NDUFA10: variants seen among roughly 807,000 people sequenced by gnomAD.
NDUFA10 encodes NADH dehydrogenase [ubiquinone] 1 alpha subcomplex subunit 10, mitochondrial.
In NDUFA10, 40 loss-of-function variants were observed where a neutral mutation model predicts 47.8. The observed-to-expected ratio is 0.84, with a 90% CI of 0.65 to 1.09. NDUFA10 has a LOEUF of 1.09. NDUFA10 is among the 50% of genes least tolerant of loss of function. The pLI, the probability that NDUFA10 is intolerant of heterozygous loss-of-function variation, is 0.00. For synonymous variants in NDUFA10, 183 were observed against 172.2 expected, an observed-to-expected ratio of 1.06 and a Z score of -0.49; for missense variants, 413 against 451.1, an observed-to-expected ratio of 0.92 and a Z score of 0.76.
Position 239,987,502 on chromosome 2 carries a change from T to C in NDUFA10, c.999+2572A>G, listed in dbSNP as rs929519905. On this transcript the variant is annotated intron_variant, in intron 9 of 9. Transcript: ENST00000252711. The surrounding 1 kb of genome is among the most constrained non-coding windows in gnomAD (Gnocchi z 4.8). ...AGAGTTTGAAGATAACAGACCATCATGTTAATAACTTACCTTAAATGGTTC... is the reference window on the plus strand; with the variant it reads ...AGAGTTTGAAGATAACAGACCATCACGTTAATAACTTACCTTAAATGGTTC... Among the ~76,000 whole-genome samples the C allele has an allele frequency of 6.6e-6, 1 of 151,938 alleles. No homozygotes were observed. Among genetic ancestry groups the C allele is most frequent in the Admixed American group, 6.6e-5 (1 of 15,250 alleles).
chr2:239,992,622 C>G (rs1452424544), intron 8 of NDUFA10, among the ~76,000 whole-genome samples: 1 of 152,142 alleles, frequency 6.6e-6, no homozygotes, highest in Non-Finnish European at 1.5e-5. Context: ...GTGTGAAGGT[C>G]TGGGCTCTGG....
At chr2:239,981,995 A>G (rs1695795069) in intron 9 of NDUFA10, 1 of 1,348,916 alleles carries the variant, frequency 7.4e-7, no homozygotes, top group African/African-American at 1.4e-5. Context: ...CATGGCCTCC[A>G]CTTGCTCCAG....
intron 8 of NDUFA10, among the ~76,000 whole-genome samples, chr2:240,002,245 C>T (rs1162208889): frequency 3.4e-5 from 5 of 148,170 alleles, no homozygotes; most frequent in African/African-American, 7.5e-5. Context: ...GCAGGAGAAT[C>T]GCCTGAACCA....
At chr2:239,965,304 C>G (rs1262918920) in intron 9 of NDUFA10, among the ~76,000 whole-genome samples, 1 of 149,314 alleles carries the variant, frequency 6.7e-6, no homozygotes, top group African/African-American at 2.5e-5. Context: ...GAGAACCATG[C>G]GGGGGGGGAG....
In NDUFA10 at chr2:239,909,351, G is replaced by C. The variant is rs141871261; in HGVS notation, c.295-14037C>G. 3.1e-3 allele frequency among the ~76,000 whole-genome samples: 479 copies of C among 152,278 alleles called. 3 individuals are homozygous for C. The highest frequency in any genetic ancestry group is 0.021 in the East Asian group (108 of 5,190). ...CCCTAGGCCAGGGACGGCAGCTCACGCCTGTAATCTCAGCACTTTGGGAGG... is the reference window on the plus strand; with the variant it reads ...CCCTAGGCCAGGGACGGCAGCTCACCCCTGTAATCTCAGCACTTTGGGAGG... On this transcript the variant is annotated intron_variant, in intron 4 of 5. Transcript: ENST00000419408.
rs925938761 is a variant in NDUFA10, at chr2:239,945,864, C to A, written c.294+44210G>T. 1.3e-5 allele frequency among the ~76,000 whole-genome samples: 2 copies of A among 152,162 alleles called. No homozygotes were observed. The highest frequency in any genetic ancestry group is 2.9e-5 in the Non-Finnish European group (2 of 68,028). On this transcript the variant is annotated intron_variant, in intron 4 of 5. Transcript: ENST00000419408. The surrounding 1 kb of genome is among the most constrained non-coding windows in gnomAD (Gnocchi z 4.6). The stretch of plus-strand genomic sequence containing the variant: ...GCCCACAGGGCTCCGGGACTGCAAG[C>A]CAGAAGCACCCTGTGTGCAACCCAG...
intron 9 of NDUFA10, among the ~76,000 whole-genome samples, chr2:239,966,610 G>A (rs1695071519): frequency 6.6e-6 from 1 of 152,130 alleles, no homozygotes; most frequent in Admixed American, 6.5e-5. Context: ...CCAAATATCT[G>A]TGTGCAAATC....
intron 7 of NDUFA10, among the ~76,000 whole-genome samples, chr2:240,005,849 A>G (rs1696929980): frequency 6.6e-6 from 1 of 152,172 alleles, no homozygotes; most frequent in African/African-American, 2.4e-5. Flanking sequence ...AGGCTGGGAG[A>G]AAAGGACAGG....
Position 239,959,097 on chromosome 2 carries a change from C to T in NDUFA10, c.*2021G>A. The T allele has an allele frequency of 1.0e-6, 1 of 985,486 alleles. No individual in the cohort carries two copies. Among genetic ancestry groups the T allele is most frequent in the Non-Finnish European group, 1.2e-6 (1 of 829,944 alleles). The allele number at this position is 985,486 out of a possible 1,614,324, so 61.0% of individuals were successfully genotyped here. On this transcript the variant is annotated 3_prime_UTR_variant, in exon 10 of 10. Transcript: ENST00000252711. ...ATCTTTCTCTGCTGAACATGCATGT[C>T]ATTGAAAACACCAGAAAATCAAACA...
chr2:239,904,253 TTTC>T (rs994574192), intron 4 of NDUFA10, among the ~76,000 whole-genome samples: 9 of 152,118 alleles, frequency 5.9e-5, no homozygotes, highest in African/African-American at 1.9e-4. Flanking sequence ...TGCCTCTTCC[TTTC>T]TTCTTCTTCT....
At chr2:240,015,920 C>T (rs898905495) in intron 4 of NDUFA10, among the ~76,000 whole-genome samples, 2 of 152,182 alleles carry the variant, frequency 1.3e-5, no homozygotes, top group Non-Finnish European at 2.9e-5. Context: ...TTTGGGAGGC[C>T]GAGGTGGGCG....
chr2:240,008,730 G>A (rs1314859850), intron 6 of NDUFA10, among the ~76,000 whole-genome samples: 2 of 152,236 alleles, frequency 1.3e-5, no homozygotes, highest in Non-Finnish European at 2.9e-5. Context: ...ATTAGCTGAA[G>A]CCCCACCAGG....
At chr2:239,900,576 T>C (rs1304789728) in intron 4 of NDUFA10, among the ~76,000 whole-genome samples, 2 of 44,358 alleles carry the variant, frequency 4.5e-5, no homozygotes, top group Non-Finnish European at 8.8e-5. Flanking sequence ...TTTTCTTCCA[T>C]AGGAAAAAAA....
At chr2:239,915,882 CAG>C (rs1185602754) in intron 4 of NDUFA10, among the ~76,000 whole-genome samples, 2 of 150,714 alleles carry the variant, frequency 1.3e-5, no homozygotes, top group South Asian at 4.2e-4. Context: ...CAGACACACA[CAG>C]AGAGACACAC....
chr2:239,996,041 G>A (rs980281439), intron 8 of NDUFA10, among the ~76,000 whole-genome samples: 3 of 152,160 alleles, frequency 2.0e-5, no homozygotes, highest in African/African-American at 4.8e-5. Context: ...GAGAAAATCC[G>A]TAAGGAGACC....
At chr2:239,982,546 C>G (rs915008810) in intron 9 of NDUFA10, among the ~76,000 whole-genome samples, 11 of 152,196 alleles carry the variant, frequency 7.2e-5, no homozygotes, top group African/African-American at 2.7e-4. Context: ...TCCTTGGGCT[C>G]TGGCATGTTC....
chr2:240,002,272 G>C (rs1306617401), intron 8 of NDUFA10, among the ~76,000 whole-genome samples: 2 of 142,952 alleles, frequency 1.4e-5, no homozygotes, highest in African/African-American at 2.6e-5. Context: ...AGAGGTTGCA[G>C]TGAGCTGAGA....
intron 9 of NDUFA10, chr2:239,983,816 A>C (rs566559071): frequency 8.0e-6 from 12 of 1,492,866 alleles, no homozygotes; most frequent in South Asian, 2.6e-5. Flanking sequence ...TGTTACAACC[A>C]AGAGGTACCT....
chr2:240,009,438 G>A (rs1697060219), intron 6 of NDUFA10, among the ~76,000 whole-genome samples: 1 of 152,230 alleles, frequency 6.6e-6, no homozygotes, highest in South Asian at 2.1e-4. Flanking sequence ...TTAAGGTAAT[G>A]AGGAGAAAGA....
Sources: gnomAD v4.1 joint callset for allele counts (sites outside exome capture counted in the v4.1 genomes callset) on GRCh38, gnomAD v4.1.1 for gene constraint, Gnocchi (gnomAD v3.1) non-coding constraint, MANE v1.5 for transcripts, NCBI Gene and HGNC (gene_info 2026-07-23, HGNC 2026-07-21) for gene names.